Variants in PCDH11X observed in about 807,000 individuals in gnomAD.
PCDH11X encodes protocadherin 11 X-linked.
Under a neutral mutation model 53.3 loss-of-function variants are expected in PCDH11X, and 18 were observed. The observed-to-expected ratio is 0.34, with a 90% CI of 0.23 to 0.50. The LOEUF is 0.50. Ranked by LOEUF, PCDH11X falls within the 20% of genes least tolerant of loss-of-function variation. PCDH11X has a pLI of 0.98. For missense variants in PCDH11X, 570 were observed against 1,032.4 expected (o/e 0.55, Z 6.14); for synonymous variants, 279 against 393.3 (o/e 0.71, Z 3.44).
rs974454059 is a variant in PCDH11X at position 92,266,084 on chromosome X, G to C, written c.3144+2941G>C. Among the ~76,000 whole-genome samples the C allele has an allele frequency of 7.2e-5, 8 of 110,575 alleles. No individual in the cohort carries two copies. In the Admixed American group the frequency reaches 7.7e-4, roughly 11 times the overall value. On this transcript the variant is annotated intron_variant, in intron 8 of 10. Coordinates refer to ENST00000682573, the MANE Select transcript of PCDH11X (RefSeq NM_032968.5). ...CTGTGCTCTGGTGTCCTTTATTTTTGGTTCATTGCATTTATGTATACCTTT... is the reference window on the plus strand; with the variant it reads ...CTGTGCTCTGGTGTCCTTTATTTTTCGTTCATTGCATTTATGTATACCTTT...
At chrX:92,386,145 A>G (rs894591707) in intron 8 of PCDH11X, among the ~76,000 whole-genome samples, 118 of 111,391 alleles carry the variant, frequency 1.1e-3, no homozygotes, top group Non-Finnish European at 1.6e-3. Flanking sequence ...AGACTTTAAT[A>G]TAAAAAATAA....
chrX:92,200,734 T>C (rs2066375232), intron 6 of PCDH11X, among the ~76,000 whole-genome samples: 1 of 111,876 alleles, frequency 8.9e-6, no homozygotes, highest in Admixed American at 9.6e-5. Flanking sequence ...ATAGCAAATT[T>C]GTGTTGTGGT....
chrX:91,891,437 A>G (rs1304096380), intron 6 of PCDH11X, among the ~76,000 whole-genome samples: 1 of 103,213 alleles, frequency 9.7e-6, no homozygotes, highest in Non-Finnish European at 2.0e-5. Flanking sequence ...TCTTCATGGT[A>G]TAGCTCATTA....
intron 6 of PCDH11X, among the ~76,000 whole-genome samples, chrX:92,050,057 G>T (rs2063347394): frequency 8.9e-6 from 1 of 111,961 alleles, no homozygotes; most frequent in African/African-American, 3.2e-5. Flanking sequence ...TTACAGGCAT[G>T]AGCCACCAGG....
chrX:92,496,954 C>T (rs747932531), intron 10 of PCDH11X, among the ~76,000 whole-genome samples: 2 of 110,561 alleles, frequency 1.8e-5, no homozygotes, highest in South Asian at 7.6e-4. Context: ...GAGACTCTTA[C>T]CTTTGTGTTC....
chrX:92,347,712 GT>G (rs1218112753), intron 8 of PCDH11X, among the ~76,000 whole-genome samples: 5 of 111,499 alleles, frequency 4.5e-5, no homozygotes, highest in Admixed American at 9.6e-5. Flanking sequence ...CTCATAGATA[GT>G]TTCTTCTGTT....
intron 8 of PCDH11X, among the ~76,000 whole-genome samples, chrX:92,328,491 GA>G (rs745964544): frequency 1.2e-3 from 133 of 110,403 alleles, no homozygotes; most frequent in African/African-American, 4.0e-3. Flanking sequence ...AAACAATGGA[GA>G]AAATTAGTGA....
rs1379692191 is a variant in PCDH11X, at chrX:91,809,767, T to C, written c.-210+133T>C. Among the ~76,000 whole-genome samples, 3 of 109,171 alleles carry C rather than the reference T, an allele frequency of 2.7e-5. No homozygotes were observed. In the East Asian group the frequency reaches 8.5e-4, roughly 31 times the overall value. The allele number at this position is 109,171 out of a possible 115,157, so 94.8% of individuals were successfully genotyped here. The stretch of plus-strand genomic sequence containing the variant: ...CCATGCAGATTATTTTAATAAAATA[T>C]TTTTATCATTGCAGAAAGTTCTATT... On this transcript the variant is annotated intron_variant, in intron 2 of 10. Coordinates refer to ENST00000682573, the MANE Select transcript of PCDH11X (RefSeq NM_032968.5).
intron 6 of PCDH11X, among the ~76,000 whole-genome samples, chrX:92,021,814 G>T (rs1033649101): frequency 2.7e-5 from 3 of 109,400 alleles, no homozygotes; most frequent in Non-Finnish European, 5.7e-5. Flanking sequence ...CATACTAACA[G>T]CAGACTCTCA....
chrX:91,793,651 C>T (rs1935634990), intron 1 of PCDH11X, among the ~76,000 whole-genome samples: 1 of 111,290 alleles, frequency 9.0e-6, no homozygotes, highest in Non-Finnish European at 1.9e-5. Context: ...ATTGTCTTCT[C>T]TGTGAAGATA....
chrX:92,246,547 T>G (rs771857355), intron 7 of PCDH11X, among the ~76,000 whole-genome samples: 3 of 110,745 alleles, frequency 2.7e-5, no homozygotes, highest in Non-Finnish European at 5.7e-5. Flanking sequence ...AGACGGGGTT[T>G]CGCCATGTTG....
At chrX:92,160,992 G>A (rs1032819611) in intron 6 of PCDH11X, among the ~76,000 whole-genome samples, 3 of 110,939 alleles carry the variant, frequency 2.7e-5, no homozygotes, top group South Asian at 7.6e-4. Flanking sequence ...ATGTCTATTC[G>A]TGTCCTTAGC....
chrX:92,349,526 C>A (rs1368333991), intron 8 of PCDH11X, among the ~76,000 whole-genome samples: 1 of 102,527 alleles, frequency 9.8e-6, no homozygotes, highest in Non-Finnish European at 2.0e-5. Flanking sequence ...CTTCCCATTT[C>A]TCTCAAAGAA....
At chrX:91,967,352 G>C (rs1458785218) in intron 6 of PCDH11X, among the ~76,000 whole-genome samples, 3 of 110,480 alleles carry the variant, frequency 2.7e-5, no homozygotes, top group African/African-American at 9.9e-5. Flanking sequence ...TGGCAAGCGC[G>C]CATTACCGCC....
At chrX:92,387,659 G>A (rs2071037853) in intron 8 of PCDH11X, 76 bp from the exon 9 acceptor site, 29 of 1,209,436 alleles carry the variant, frequency 2.4e-5, no homozygotes, top group Non-Finnish European at 3.1e-5. Context: ...CCGAAATAAT[G>A]CATTTTCTAA....
intron 6 of PCDH11X, among the ~76,000 whole-genome samples, chrX:92,046,204 G>A (rs184631909): frequency 9.0e-6 from 1 of 111,253 alleles, no homozygotes; most frequent in Admixed American, 9.6e-5. Flanking sequence ...CTACAACAGG[G>A]TGTTTTTCAC....
At chrX:92,328,153 A>G (rs1466645969) in intron 8 of PCDH11X, among the ~76,000 whole-genome samples, 1 of 111,296 alleles carries the variant, frequency 9.0e-6, no homozygotes, top group Non-Finnish European at 1.9e-5. Flanking sequence ...ATGAAACAAT[A>G]GTTACTATTG....
chrX:91,970,550 G>C (rs2061943508), intron 6 of PCDH11X, among the ~76,000 whole-genome samples: 1 of 111,097 alleles, frequency 9.0e-6, no homozygotes, highest in African/African-American at 3.3e-5. Flanking sequence ...CTTTTACCTA[G>C]ACAGAAAAGT....
At chrX:91,782,185 T>C (rs778889328) in intron 1 of PCDH11X, among the ~76,000 whole-genome samples, 130 of 111,864 alleles carry the variant, frequency 1.2e-3, no homozygotes, top group Admixed American at 9.9e-3. Flanking sequence ...GCCCCCCCCT[T>C]CCAGTCCCTC....
Sources: gnomAD v4.1 joint callset for allele counts (sites outside exome capture counted in the v4.1 genomes callset) on GRCh38, gnomAD v4.1.1 for gene constraint, MANE v1.5 for transcripts, NCBI Gene and HGNC (gene_info 2026-07-23, HGNC 2026-07-21) for gene names.